ERCC5: variants seen among roughly 807,000 people sequenced by gnomAD.
ERCC5 encodes DNA excision repair protein ERCC-5.
Under a neutral mutation model 105.6 loss-of-function variants are expected in ERCC5, and 68 were observed. The ratio of observed to expected loss-of-function variants is 0.64; its 90% CI spans 0.53 to 0.79. The LOEUF (loss-of-function observed/expected upper bound fraction) is 0.79, where lower values mean the gene tolerates loss of function less well. ERCC5 is among the 30% of genes least tolerant of loss of function. ERCC5 has a pLI of 0.00. For synonymous variants in ERCC5, 546 were observed against 526.2 expected (o/e 1.04, Z -0.51); for missense variants, 1,373 against 1,426.7 (o/e 0.96, Z 0.61).
intron 6 of ERCC5, chr13:102,858,920 C>T: frequency 2.2e-6 from 1 of 456,060 alleles, no homozygotes; most frequent in Non-Finnish European, 4.4e-6. Context: ...GGTATATCTT[C>T]CTCTGCTGCA....
chr13:102,874,268 G>T (rs1050278431), intron 14 of ERCC5, among the ~76,000 whole-genome samples: 1 of 152,004 alleles, frequency 6.6e-6, no homozygotes, highest in Admixed American at 6.5e-5. Flanking sequence ...CTCTAATACA[G>T]TTGTTAACAT....
At chr13:102,848,982 C>T (rs1339875825) in intron 1 of ERCC5, 3 of 354,604 alleles carry the variant, frequency 8.5e-6, no homozygotes, top group Non-Finnish European at 1.7e-5. Context: ...AGCTTCATAT[C>T]CTATTCTAAT....
chr13:102,858,531 TAAACAGC>T, intron 6 of ERCC5, 113 bp downstream of exon 6: 1 of 1,430,872 alleles, frequency 7.0e-7, no homozygotes, highest in East Asian at 2.3e-5. Flanking sequence ...CAGTTAACAG[TAAACAGC>T]ATTTCTACAT....
chr13:102,861,999 A>G (rs1286284234), intron 7 of ERCC5, 31 bp from the exon 8 acceptor site: 1 of 1,612,472 alleles, frequency 6.2e-7, no homozygotes, highest in South Asian at 1.1e-5. Context: ...TGTAAAACTG[A>G]ATGGTGAGAA....
At position 102,865,421 on chromosome 13, in the gene ERCC5, A is replaced by C. The variant is rs1882796181; in HGVS notation, c.1955-246A>C. The C allele has an allele frequency of 4.2e-6, 2 of 473,068 alleles. No homozygotes were observed. Among genetic ancestry groups the C allele is most frequent in the Non-Finnish European group, 7.7e-6 (2 of 261,016 alleles). 29.3% of individuals were successfully genotyped at this position (473,068 alleles called of 1,614,324 possible). A position where few individuals can be genotyped will look rare whatever the true frequency, so the allele number is the denominator to read the frequency against. On this transcript the variant is annotated intron_variant, in intron 8 of 14. Transcript: ENST00000652225. The surrounding 1 kb of genome is among the most constrained non-coding windows in gnomAD (Gnocchi z 4.0). ...TATATAAAGCGAATATACAAATCTT[A>C]AGAGAGTTTCCTACTTTCAAAGACA... is the stretch of plus-strand genomic sequence containing the variant.
At position 102,872,249 on chromosome 13, in the gene ERCC5, T is replaced by C. The variant is rs929134511; in HGVS notation, c.2730T>C (p.His910=). 1 of 1,614,084 alleles carries C rather than the reference T, an allele frequency of 6.2e-7. No individual in the cohort carries two copies. Among genetic ancestry groups the C allele is most frequent in the Admixed American group, 1.7e-5 (1 of 60,010 alleles). The change falls in exon 13 of 15, where the codon CAT becomes CAC. Residue 910 remains histidine, a synonymous_variant. Transcript: ENST00000652225. ...QKNPKIRPNP[H]DTKVKKKLRT... ...ATCCAAAGATAAGACCTAATCCTCATGACACCAAAGTGAAAAAAAAATTAC... is the reference window on the plus strand; with the variant it reads ...ATCCAAAGATAAGACCTAATCCTCACGACACCAAAGTGAAAAAAAAATTAC...
At position 102,865,949 on chromosome 13, in the gene ERCC5, G is replaced by A. The variant is rs764785664; in HGVS notation, c.2199+38G>A. The A allele has an allele frequency of 9.9e-6, 16 of 1,613,694 alleles. No individual in the cohort carries two copies. The highest frequency in any genetic ancestry group is 1.4e-5 in the Non-Finnish European group (16 of 1,180,002). On this transcript the variant is annotated intron_variant, in intron 9 of 14. Coordinates refer to ENST00000652225, the MANE Select transcript of ERCC5 (RefSeq NM_000123.4). This position sits in a 1 kb window ranked among gnomAD's most constrained non-coding sequence, Gnocchi z 4.0. ...CATTGTGTTTCGACTTCTTGCTGAGGAAGCCAGGTTAAGTAGGTTTTGAGT... is the reference window on the plus strand; with the variant it reads ...CATTGTGTTTCGACTTCTTGCTGAGAAAGCCAGGTTAAGTAGGTTTTGAGT...
rs759972289 is a variant in ERCC5 at position 102,865,756 on chromosome 13, G to A, written c.2044G>A (p.Glu682Lys). ...ETSKPPSEQG[E>K]EELVGTREGE... ...TTCCAAACCTCCCTCAGAACAAGGC[G>A]AAGAGGAACTGGTAGGAACTAGGGA... is the stretch of plus-strand genomic sequence containing the variant. The change falls in exon 9 of 15, where the codon GAA becomes AAA. Residue 682 changes from glutamate to lysine, a missense_variant. Physicochemically the swap from Glu to Lys is moderately conservative, Grantham distance 56. This residue lies in a region of ERCC5 where 1,004 missense variants were observed against 1,059.7 expected (regional missense o/e 0.95). Coordinates refer to ENST00000652225, the MANE Select transcript of ERCC5 (RefSeq NM_000123.4). The surrounding 1 kb of genome is among the most constrained non-coding windows in gnomAD (Gnocchi z 4.0). 1.4e-5 allele frequency: 22 copies of A among 1,614,064 alleles called. No homozygotes were observed. The East Asian group carries it at 2.7e-4, about 20-fold the overall frequency.
In ERCC5 at chr13:102,865,938, T is replaced by G. The variant is rs775824426; in HGVS notation, c.2199+27T>G. On this transcript the variant is annotated intron_variant, in intron 9 of 14. Transcript: ENST00000652225. This position sits in a 1 kb window ranked among gnomAD's most constrained non-coding sequence, Gnocchi z 4.0. ...TAATACCGTAACATTGTGTTTCGAC[T>G]TCTTGCTGAGGAAGCCAGGTTAAGT... 20 of 1,613,848 alleles carry G rather than the reference T, an allele frequency of 1.2e-5. No homozygotes were observed. Among genetic ancestry groups the G allele is most frequent in the Non-Finnish European group, 1.6e-5 (19 of 1,180,036 alleles).
At position 102,846,233 on chromosome 13, in the gene ERCC5, T is replaced by C. The variant is rs1255033842; in HGVS notation, c.-34T>C. 1.3e-6 allele frequency: 2 copies of C among 1,580,106 alleles called. No individual in the cohort carries two copies. The highest frequency in any genetic ancestry group is 1.7e-5 in the Admixed American group (1 of 58,876). ...CGTCGTAGAAGAATTAGAGTAGAAGTTGTCGGGGTCCGCTCTTAGGACGCA... is the reference window on the plus strand; with the variant it reads ...CGTCGTAGAAGAATTAGAGTAGAAGCTGTCGGGGTCCGCTCTTAGGACGCA... On this transcript the variant is annotated 5_prime_UTR_variant, in exon 1 of 15. Coordinates refer to ENST00000652225, the MANE Select transcript of ERCC5 (RefSeq NM_000123.4).
Position 102,853,829 on chromosome 13 carries a change from T to G in ERCC5, c.337T>G (p.Phe113Val), listed in dbSNP as rs1361777780. 6.2e-7 allele frequency: 1 copy of G among 1,614,218 alleles called. No individual in the cohort carries two copies. Among genetic ancestry groups the G allele is most frequent in the African/African-American group, 1.3e-5 (1 of 75,060 alleles). Residue 113 changes from phenylalanine (F) to valine (V), a missense_variant, in exon 3 of 15, where the codon TTT becomes GTT. Phe to Val is a conservative substitution (Grantham distance 50). Transcript: ENST00000652225. ...RKTTEKLLKT[F>V]LKRQAIKTAF... Reference sequence around the variant, plus strand: ...AACGACAGAGAAGCTTCTGAAAACATTTTTGAAAAGACAAGCCATCAAAAC... The same window carrying G: ...AACGACAGAGAAGCTTCTGAAAACAGTTTTGAAAAGACAAGCCATCAAAAC...
intron 6 of ERCC5, among the ~76,000 whole-genome samples, chr13:102,860,878 C>T (rs1425905636): frequency 6.6e-6 from 1 of 152,082 alleles, no homozygotes; most frequent in African/African-American, 2.4e-5. Context: ...TATTTACCTA[C>T]ATTCTAGAAG....
Position 102,875,307 on chromosome 13 carries a change from A to T in ERCC5, c.2965A>T (p.Thr989Ser), listed in dbSNP as rs751961622. 6.2e-7 allele frequency: 1 copy of T among 1,613,484 alleles called. No individual in the cohort carries two copies. Among genetic ancestry groups the T allele is most frequent in the East Asian group, 2.2e-5 (1 of 44,856 alleles). The change falls in exon 15 of 15, where the codon ACA becomes TCA. Residue 989 changes from threonine to serine, a missense_variant and splice_region_variant. Physicochemically the swap from Thr to Ser is moderately conservative, Grantham distance 58. Transcript: ENST00000652225. ...PVLKQLDAQQ[T>S]QLRIDSFFRL... ...TATTATTCTTTTGTTATTTTTTTAG[A>T]CACAGCTCCGAATTGATTCCTTCTT...
chr13:102,871,768 A>G (rs758703729), intron 12 of ERCC5, among the ~76,000 whole-genome samples: 5 of 151,234 alleles, frequency 3.3e-5, no homozygotes, highest in Non-Finnish European at 7.4e-5. Flanking sequence ...GGTAAATAAT[A>G]CAGATACATT....
chr13:102,861,707 G>C lies in ERCC5; in HGVS notation c.873G>C (p.Leu291Phe). The change falls in exon 7 of 15, where the codon TTG becomes TTC. Residue 291 changes from leucine to phenylalanine, a missense_variant. Physicochemically the swap from Leu to Phe is conservative, Grantham distance 22 (BLOSUM62 0). Coordinates refer to ENST00000652225, the MANE Select transcript of ERCC5 (RefSeq NM_000123.4). ...CTGAAGACACTTCACATTACATCTT[G>C]ATAAAAGGTATCAGGCACCATCATT... Reference protein sequence around the residue: ...VVSEDTSHYILIKGIQAKTVA... With the variant: ...VVSEDTSHYIFIKGIQAKTVA... 6.2e-7 allele frequency: 1 copy of C among 1,614,014 alleles called. No individual in the cohort carries two copies. Among genetic ancestry groups the C allele is most frequent in the Non-Finnish European group, 8.5e-7 (1 of 1,179,972 alleles).
intron 1 of ERCC5, among the ~76,000 whole-genome samples, chr13:102,848,101 A>G (rs944774308): frequency 6.6e-6 from 1 of 152,222 alleles, no homozygotes; most frequent in African/African-American, 2.4e-5. Context: ...CAAGGCTGCA[A>G]TGAGCCGTGT....
chr13:102,875,960 C>T lies in ERCC5; in HGVS notation c.*57C>T, dbSNP rs150205001. 1.3e-4 allele frequency: 207 copies of T among 1,584,604 alleles called. 1 individual carries two copies. The African/African-American group carries it at 2.3e-3, about 17-fold the overall frequency. ...TGACAGCCATTTGTAATGAATTTGT[C>T]GCAAAGACGTAATAAAATTAACTGG... On this transcript the variant is annotated 3_prime_UTR_variant, in exon 15 of 15. Transcript: ENST00000652225.
rs770490460 is a variant in ERCC5, at chr13:102,853,819, T to C, written c.327T>C (p.Leu109=). 16 of 1,614,186 alleles carry C rather than the reference T, an allele frequency of 9.9e-6. No individual in the cohort carries two copies. Among genetic ancestry groups the C allele is most frequent in the Non-Finnish European group, 1.1e-5 (13 of 1,180,026 alleles). ...ACTCCAGGAAAACGACAGAGAAGCT[T>C]CTGAAAACATTTTTGAAAAGACAAG... ...SSDSRKTTEK[L]LKTFLKRQAI... The change falls in exon 3 of 15, where the codon CTT becomes CTC. Residue 109 remains leucine, a synonymous_variant. Transcript: ENST00000652225.
rs1883067863 is a variant in ERCC5 at position 102,872,498 on chromosome 13, C to A, written c.2879+100C>A. 1.7e-5 allele frequency: 24 copies of A among 1,381,866 alleles called. No individual in the cohort carries two copies. The Admixed American group carries it at 4.8e-4, about 28-fold the overall frequency. 85.6% of individuals were successfully genotyped at this position (1,381,866 alleles called of 1,614,324 possible). A position where few individuals can be genotyped will look rare whatever the true frequency, so the allele number is the denominator to read the frequency against. Reference sequence around the variant, plus strand: ...ACTTGGATCATTTTTTTCTTATATCCCGTTAATCCCATTTTCTTAATATCC... The same window carrying A: ...ACTTGGATCATTTTTTTCTTATATCACGTTAATCCCATTTTCTTAATATCC... On this transcript the variant is annotated intron_variant, in intron 13 of 14. Transcript: ENST00000652225.
Sources: allele counts gnomAD v4.1 joint callset (sites outside exome capture counted in the v4.1 genomes callset), GRCh38; gene constraint gnomAD v4.1.1; regional missense constraint gnomAD v4.1.1; non-coding constraint Gnocchi (gnomAD v3.1); transcripts MANE v1.5; gene names NCBI Gene and HGNC (gene_info 2026-07-23, HGNC 2026-07-21).